Variants in TBC1D22A observed in about 807,000 individuals in gnomAD.
The protein encoded by TBC1D22A is putative GTPase activator.
Under a neutral mutation model 60.2 loss-of-function variants are expected in TBC1D22A, and 38 were observed. The observed-to-expected ratio is 0.63, with a 90% CI of 0.49 to 0.83. The LOEUF is 0.83. Ranked by LOEUF, TBC1D22A falls within the 40% of genes least tolerant of loss-of-function variation. TBC1D22A has a pLI of 0.00. For synonymous variants in TBC1D22A, 302 were observed against 281.7 expected (o/e 1.07, Z -0.72); for missense variants, 628 against 701.0 (o/e 0.90, Z 1.18).
chr22:46,861,304 T>C (rs1439395472), intron 4 of TBC1D22A, among the ~76,000 whole-genome samples: 1 of 152,236 alleles, frequency 6.6e-6, no homozygotes, highest in Non-Finnish European at 1.5e-5. Flanking sequence ...GGACAGTTTC[T>C]AGAATAAAAT....
At chr22:46,943,723 G>A (rs1191974306) in intron 8 of TBC1D22A, among the ~76,000 whole-genome samples, 1 of 152,162 alleles carries the variant, frequency 6.6e-6, no homozygotes, top group African/African-American at 2.4e-5. Context: ...CCTTTCCTCA[G>A]CCCCTGGTGA....
intron 8 of TBC1D22A, among the ~76,000 whole-genome samples, chr22:46,929,687 A>G (rs568044070): frequency 1.2e-4 from 15 of 121,708 alleles, no homozygotes; most frequent in African/African-American, 4.9e-4. Context: ...TTAGAAAGTC[A>G]GCAAAGACAA....
intron 11 of TBC1D22A, among the ~76,000 whole-genome samples, chr22:47,062,037 C>G (rs2063594380): frequency 7.0e-6 from 1 of 142,976 alleles, no homozygotes; most frequent in African/African-American, 2.6e-5. Context: ...GCAGTGAGCC[C>G]AGATCGCTCT....
chr22:47,017,696 C>A (rs1318144420), intron 10 of TBC1D22A, among the ~76,000 whole-genome samples: 2 of 152,242 alleles, frequency 1.3e-5, no homozygotes, highest in East Asian at 3.9e-4. Context: ...GAGAATTTTT[C>A]AGGGATCTGT....
At chr22:47,076,361 G>GTATATATATATATATATATATATA (rs769322904) in intron 11 of TBC1D22A, among the ~76,000 whole-genome samples, 16 of 101,896 alleles carry the variant, frequency 1.6e-4, no homozygotes, top group East Asian at 9.3e-4. Flanking sequence ...ATATGTGTGT[G>GTATATATATATATATATATATATA]TATATATATA....
intron 12 of TBC1D22A, among the ~76,000 whole-genome samples, chr22:47,125,206 C>T (rs1325289091): frequency 2.0e-5 from 3 of 152,186 alleles, no homozygotes; most frequent in Non-Finnish European, 2.9e-5. Context: ...TGGCCAAATG[C>T]ACCCCCCTGG....
At chr22:47,040,434 G>A (rs1045557730) in intron 11 of TBC1D22A, among the ~76,000 whole-genome samples, 1 of 152,188 alleles carries the variant, frequency 6.6e-6, no homozygotes, top group African/African-American at 2.4e-5. Flanking sequence ...TGCGTCAGCA[G>A]TGGTCATCAA....
At chr22:47,166,775 T>C (rs530986507) in intron 12 of TBC1D22A, among the ~76,000 whole-genome samples, 11 of 152,364 alleles carry the variant, frequency 7.2e-5, no homozygotes, top group African/African-American at 2.2e-4. Context: ...CTGCAGTGCC[T>C]GTGAGAAGGT....
intron 8 of TBC1D22A, among the ~76,000 whole-genome samples, chr22:46,917,593 G>A (rs963815733): frequency 6.6e-6 from 1 of 152,210 alleles, no homozygotes; most frequent in Non-Finnish European, 1.5e-5. Flanking sequence ...TTCTGATTTA[G>A]GATGTGCTGA....
chr22:46,835,480 C>T (rs906663047), intron 4 of TBC1D22A, among the ~76,000 whole-genome samples: 1 of 152,086 alleles, frequency 6.6e-6, no homozygotes, highest in African/African-American at 2.4e-5. Flanking sequence ...GCTTTAACAA[C>T]AGACTCTAAC....
intron 4 of TBC1D22A, among the ~76,000 whole-genome samples, chr22:46,798,215 T>C (rs2084742029): frequency 1.3e-5 from 2 of 152,274 alleles, no homozygotes. Flanking sequence ...CTCTTTATTA[T>C]TGCTGCCCTT....
intron 4 of TBC1D22A, among the ~76,000 whole-genome samples, chr22:46,877,969 C>T (rs908556738): frequency 1.3e-5 from 2 of 152,158 alleles, no homozygotes; most frequent in African/African-American, 2.4e-5. Context: ...AGGTGCTGGA[C>T]CTTGCTCCAG....
chr22:46,810,737 T>A (rs1191585417), intron 4 of TBC1D22A, among the ~76,000 whole-genome samples: 5 of 152,196 alleles, frequency 3.3e-5, no homozygotes, highest in African/African-American at 7.2e-5. Context: ...GAGTTTTTTT[T>A]AAAACAATAA....
At chr22:46,936,582 G>A (rs1022138929) in intron 8 of TBC1D22A, among the ~76,000 whole-genome samples, 1 of 152,266 alleles carries the variant, frequency 6.6e-6, no homozygotes, top group Non-Finnish European at 1.5e-5. Flanking sequence ...GACAAGCGGA[G>A]CGTGAGACAG....
intron 12 of TBC1D22A, among the ~76,000 whole-genome samples, chr22:47,160,585 C>A (rs1015541388): frequency 1.3e-5 from 2 of 152,218 alleles, no homozygotes; most frequent in African/African-American, 4.8e-5. Flanking sequence ...TCTACCTCAC[C>A]CCGGACCACA....
chr22:47,122,035 C>T (rs987856127), intron 12 of TBC1D22A, among the ~76,000 whole-genome samples: 1 of 152,232 alleles, frequency 6.6e-6, no homozygotes, highest in Non-Finnish European at 1.5e-5. Context: ...ACACATCACT[C>T]AACACAGAGC....
chr22:47,106,352 ACAAGGAAACCG>A (rs2065631459), intron 11 of TBC1D22A, among the ~76,000 whole-genome samples: 1 of 152,214 alleles, frequency 6.6e-6, no homozygotes, highest in Non-Finnish European at 1.5e-5. Context: ...AATAAATATC[ACAAGGAAACCG>A]CAAAACATCC....
chr22:46,860,846 G>T (rs994091984), intron 4 of TBC1D22A, among the ~76,000 whole-genome samples: 1 of 152,230 alleles, frequency 6.6e-6, no homozygotes, highest in Admixed American at 6.5e-5. Context: ...AGTGTTTCCT[G>T]TGGTGTTGAG....
chr22:46,864,599 C>T (rs547294487), intron 4 of TBC1D22A, among the ~76,000 whole-genome samples: 2 of 152,200 alleles, frequency 1.3e-5, no homozygotes, highest in African/African-American at 2.4e-5. Context: ...TAACAATCAT[C>T]TTTTGGATTG....
Sources: gnomAD v4.1 joint callset for allele counts (sites outside exome capture counted in the v4.1 genomes callset) on GRCh38, gnomAD v4.1.1 for gene constraint, MANE v1.5 for transcripts, NCBI Gene and HGNC (gene_info 2026-07-23, HGNC 2026-07-21) for gene names.